BABAM2: variants seen among roughly 807,000 people sequenced by gnomAD.
The protein encoded by BABAM2 is BRISC and BRCA1-A complex member 2.
Under a neutral mutation model 54.7 loss-of-function variants are expected in BABAM2, and 31 were observed. The ratio of observed to expected loss-of-function variants is 0.57; its 90% confidence interval spans 0.43 to 0.77. BABAM2 has a LOEUF of 0.77. Ranked by LOEUF, BABAM2 falls within the 30% of genes least tolerant of loss-of-function variation. BABAM2 has a pLI of 0.00. For synonymous variants in BABAM2, 167 were observed against 162.9 expected, an observed-to-expected ratio of 1.03 and a Z score of -0.19; for missense variants, 364 against 455.8, an observed-to-expected ratio of 0.80 and a Z score of 1.83.
At position 28,325,926 on chromosome 2, in the gene BABAM2, A is replaced by G. The variant is rs1192521082; in HGVS notation, c.1089-12524A>G. The stretch of plus-strand genomic sequence containing the variant: ...GAGAGACTCAGGGGAGGGGAAGGTT[A>G]GAGGCCTCAAGGAGTTGATCTCCTA... On this transcript the variant is annotated intron_variant, in intron 11 of 11. Coordinates refer to ENST00000379624, the MANE Select transcript of BABAM2 (RefSeq NM_199191.3). The surrounding 1 kb of genome is among the most constrained non-coding windows in gnomAD (Gnocchi z 4.3). Among the ~76,000 whole-genome samples, 2 of 152,242 alleles carry G rather than the reference A, an allele frequency of 1.3e-5. No homozygotes were observed. Among genetic ancestry groups the G allele is most frequent in the African/African-American group, 2.4e-5 (1 of 41,462 alleles).
chr2:28,047,471 T>C (rs1677671397), intron 6 of BABAM2, among the ~76,000 whole-genome samples: 1 of 152,224 alleles, frequency 6.6e-6, no homozygotes, highest in Admixed American at 6.5e-5. Context: ...CTGTGCCTTA[T>C]CAGTTTCAGC....
At chr2:27,972,255 C>T (rs1233388282) in intron 3 of BABAM2, among the ~76,000 whole-genome samples, 1 of 152,158 alleles carries the variant, frequency 6.6e-6, no homozygotes, top group Non-Finnish European at 1.5e-5. Flanking sequence ...CAGTCATCTG[C>T]AGATGGTTTG....
In BABAM2 at chr2:28,031,251, C is replaced by G. The variant is rs997422955; in HGVS notation, c.495+5831C>G. Among the ~76,000 whole-genome samples the G allele has an allele frequency of 3.3e-5, 5 of 152,166 alleles. No homozygotes were observed. In the South Asian group the frequency reaches 1.0e-3, roughly 32 times the overall value. ...GTTGGGATCTGTGGAAGCGTTCCAC[C>G]TAAAAGTTTGGGTATAACTCTTACC... On this transcript the variant is annotated intron_variant, in intron 5 of 11. Coordinates refer to ENST00000379624, the MANE Select transcript of BABAM2 (RefSeq NM_199191.3).
chr2:28,219,277 C>A (rs1680181814), intron 7 of BABAM2, among the ~76,000 whole-genome samples: 1 of 152,234 alleles, frequency 6.6e-6, no homozygotes, highest in Non-Finnish European at 1.5e-5. Context: ...AGGCTGCTGT[C>A]CTTATTTGGC....
intron 11 of BABAM2, among the ~76,000 whole-genome samples, chr2:28,315,918 A>T (rs1482868012): frequency 6.6e-6 from 1 of 152,190 alleles, no homozygotes; most frequent in Admixed American, 6.5e-5. Context: ...ACTAAGGGTC[A>T]TGCTCATGGA....
chr2:28,073,782 T>G (rs1212185559), intron 6 of BABAM2, among the ~76,000 whole-genome samples: 1 of 152,168 alleles, frequency 6.6e-6, no homozygotes, highest in Non-Finnish European at 1.5e-5. Flanking sequence ...TGTGTCATAA[T>G]TTAATTAATG....
chr2:28,309,831 G>A (rs764840928), intron 11 of BABAM2: 8 of 461,678 alleles, frequency 1.7e-5, no homozygotes, highest in East Asian at 3.6e-5. Flanking sequence ...AACATAGCTC[G>A]GGTGATCAGA....
intron 11 of BABAM2, among the ~76,000 whole-genome samples, chr2:28,310,714 T>A (rs1689000799): frequency 6.6e-6 from 1 of 150,840 alleles, no homozygotes; most frequent in South Asian, 2.1e-4. Flanking sequence ...TGAAACCCTG[T>A]CTCTACTAAA....
At chr2:27,899,632 A>C (rs1665626462) in intron 2 of BABAM2, among the ~76,000 whole-genome samples, 1 of 151,908 alleles carries the variant, frequency 6.6e-6, no homozygotes, top group Non-Finnish European at 1.5e-5. Context: ...TGCCTGGCTA[A>C]TTTTTTGTAT....
intron 4 of BABAM2, among the ~76,000 whole-genome samples, chr2:27,994,523 A>G (rs938222572): frequency 6.6e-6 from 1 of 152,196 alleles, no homozygotes; most frequent in African/African-American, 2.4e-5. Context: ...TTATGATGTC[A>G]TCATTATTTT....
At chr2:28,288,251 A>G (rs556174890) in intron 10 of BABAM2, among the ~76,000 whole-genome samples, 5 of 151,190 alleles carry the variant, frequency 3.3e-5, no homozygotes, top group Non-Finnish European at 5.9e-5. Flanking sequence ...TGTGTCACCT[A>G]TTTCTCTTCA....
intron 2 of BABAM2, among the ~76,000 whole-genome samples, chr2:27,903,910 A>T (rs1244470502): frequency 6.6e-6 from 1 of 152,172 alleles, no homozygotes; most frequent in Non-Finnish European, 1.5e-5. Context: ...CCTTAAAGGA[A>T]GCACTTTATG....
intron 7 of BABAM2, among the ~76,000 whole-genome samples, chr2:28,216,043 T>A (rs1331513756): frequency 6.6e-6 from 1 of 152,218 alleles, no homozygotes; most frequent in Non-Finnish European, 1.5e-5. Context: ...GCTTTGATGG[T>A]GCCCAGAATT....
intron 4 of BABAM2, among the ~76,000 whole-genome samples, chr2:28,014,756 C>G (rs1573393458): frequency 6.6e-6 from 1 of 150,530 alleles, no homozygotes; most frequent in East Asian, 2.0e-4. Flanking sequence ...GAACTTAAAA[C>G]AGCGAGAGTG....
chr2:28,081,178 AGGCTG>A (rs1665139473), intron 6 of BABAM2, among the ~76,000 whole-genome samples: 1 of 152,218 alleles, frequency 6.6e-6, no homozygotes, highest in African/African-American at 2.4e-5. Context: ...GCAGACTGGC[AGGCTG>A]GTCACAGAGC....
At chr2:27,910,684 G>T (rs966873910) in intron 2 of BABAM2, among the ~76,000 whole-genome samples, 4 of 151,982 alleles carry the variant, frequency 2.6e-5, no homozygotes, top group Non-Finnish European at 4.4e-5. Context: ...GCACAAAATG[G>T]CATTTTGTGT....
intron 3 of BABAM2, among the ~76,000 whole-genome samples, chr2:27,984,133 T>A (rs114476485): frequency 2.1e-4 from 32 of 152,028 alleles, no homozygotes; most frequent in African/African-American, 7.2e-4. Flanking sequence ...GCAAAAGTGA[T>A]AAAATTTCTT....
intron 4 of BABAM2, among the ~76,000 whole-genome samples, chr2:28,003,611 C>T (rs1005149588): frequency 2.0e-5 from 3 of 151,974 alleles, no homozygotes; most frequent in Admixed American, 2.0e-4. Context: ...ACAAACAAAG[C>T]CAATTCTAGT....
intron 6 of BABAM2, among the ~76,000 whole-genome samples, chr2:28,059,092 G>A (rs1440677653): frequency 2.0e-5 from 3 of 152,082 alleles, no homozygotes; most frequent in Admixed American, 1.3e-4. Flanking sequence ...CACCCAGCAC[G>A]CCCCTCCTTT....
Sources: gnomAD v4.1 joint callset for allele counts (sites outside exome capture counted in the v4.1 genomes callset) on GRCh38, gnomAD v4.1.1 for gene constraint, Gnocchi (gnomAD v3.1) non-coding constraint, MANE v1.5 for transcripts, NCBI Gene and HGNC (gene_info 2026-07-23, HGNC 2026-07-21) for gene names.